Variants in PTPRM observed in about 807,000 individuals in gnomAD.
PTPRM encodes receptor-type tyrosine-protein phosphatase mu.
PTPRM carries 47 observed loss-of-function variants against 186.7 expected under a neutral mutation model. The ratio of observed to expected loss-of-function variants is 0.25; its 90% confidence interval spans 0.20 to 0.32. The LOEUF (loss-of-function observed/expected upper bound fraction) is 0.32, where lower values mean the gene tolerates loss of function less well. Ranked by LOEUF, PTPRM falls within the 10% of genes least tolerant of loss-of-function variation. PTPRM has a pLI of 1.00. For synonymous variants in PTPRM, 668 were observed against 674.9 expected (o/e 0.99, Z 0.16); for missense variants, 1,494 against 1,865.0 (o/e 0.80, Z 3.66).
chr18:7,877,077 AATATAG>A (rs1344709915), intron 2 of PTPRM, among the ~76,000 whole-genome samples: 1 of 152,202 alleles, frequency 6.6e-6, no homozygotes, highest in African/African-American at 2.4e-5. Flanking sequence ...ATTAATTGTT[AATATAG>A]ATATATATTT....
intron 1 of PTPRM, among the ~76,000 whole-genome samples, chr18:7,738,749 C>T (rs1262997088): frequency 6.6e-6 from 1 of 152,082 alleles, no homozygotes; most frequent in Non-Finnish European, 1.5e-5. Flanking sequence ...CCAGTTCGTT[C>T]AACTTTTGAA....
intron 23 of PTPRM, among the ~76,000 whole-genome samples, chr18:8,345,393 T>A (rs1160068898): frequency 1.3e-5 from 2 of 152,242 alleles, no homozygotes; most frequent in Non-Finnish European, 2.9e-5. Context: ...AAAAACCACA[T>A]ATAGCCAATA....
Position 8,360,819 on chromosome 18 carries a change from T to G in PTPRM, c.3055-10071T>G, listed in dbSNP as rs2095593037. 3 of 152,230 alleles carry G rather than the reference T, an allele frequency of 2.0e-5. No homozygotes were observed. The South Asian group carries it at 6.2e-4, about 32-fold the overall frequency. The allele number at this position is 152,230 out of a possible 1,614,324, so 9.4% of individuals were successfully genotyped here. A position where few individuals can be genotyped will look rare whatever the true frequency, so the allele number is the denominator to read the frequency against. ...AAATAGAAGCAGAACTCTTATCACT[T>G]AAAATTGTAAGTAAACAGATGTCTT... On this transcript the variant is annotated intron_variant, in intron 23 of 32. Coordinates refer to ENST00000580170, the MANE Select transcript of PTPRM (RefSeq NM_001105244.2).
chr18:8,023,909 G>A (rs2147991119), intron 7 of PTPRM, among the ~76,000 whole-genome samples: 1 of 150,820 alleles, frequency 6.6e-6, no homozygotes, highest in African/African-American at 2.4e-5. Flanking sequence ...TTCTGGCTTT[G>A]GATTTATTCT....
chr18:7,912,869 CA>C (rs2050351015), intron 4 of PTPRM, among the ~76,000 whole-genome samples: 1 of 151,968 alleles, frequency 6.6e-6, no homozygotes, highest in African/African-American at 2.4e-5. Flanking sequence ...CAATTTCAGC[CA>C]AAAAAATTCA....
At chr18:8,015,144 A>G (rs1191020929) in intron 7 of PTPRM, among the ~76,000 whole-genome samples, 1 of 152,134 alleles carries the variant, frequency 6.6e-6, no homozygotes, top group East Asian at 1.9e-4. Context: ...GACTACAAAT[A>G]TCAGGGAACA....
intron 19 of PTPRM, among the ~76,000 whole-genome samples, chr18:8,291,131 A>C (rs2095038461): frequency 6.6e-6 from 1 of 152,180 alleles, no homozygotes; most frequent in Non-Finnish European, 1.5e-5. Context: ...TCCCTCAGCC[A>C]TCCCTCCTGC....
intron 13 of PTPRM, among the ~76,000 whole-genome samples, chr18:8,131,118 T>C (rs932501885): frequency 3.3e-5 from 5 of 152,206 alleles, no homozygotes; most frequent in African/African-American, 1.2e-4. Context: ...CAGTCCCAAG[T>C]TGACACTGCA....
chr18:8,114,952 T>C, intron 13 of PTPRM, 125 bp downstream of exon 13: 1 of 687,378 alleles, frequency 1.5e-6, no homozygotes, highest in East Asian at 2.8e-5. Context: ...TATATACATA[T>C]ATATATATGC....
intron 14 of PTPRM, among the ~76,000 whole-genome samples, chr18:8,199,492 C>CT (rs2093824251): frequency 6.6e-6 from 1 of 152,118 alleles, no homozygotes; most frequent in Non-Finnish European, 1.5e-5. Context: ...TAGGAGACAC[C>CT]TAAGCAAAGT....
chr18:8,288,737 G>A (rs754276505), intron 19 of PTPRM, among the ~76,000 whole-genome samples: 21 of 152,180 alleles, frequency 1.4e-4, no homozygotes, highest in Admixed American at 4.6e-4. Flanking sequence ...CAGTGCTCTT[G>A]AGGGCTGTGT....
chr18:7,897,801 C>A (rs1198214066), intron 3 of PTPRM, among the ~76,000 whole-genome samples: 2 of 151,998 alleles, frequency 1.3e-5, no homozygotes, highest in African/African-American at 4.8e-5. Context: ...TTGTCCTCTA[C>A]CTTAATTTCT....
intron 19 of PTPRM, among the ~76,000 whole-genome samples, chr18:8,290,805 G>T (rs1300771181): frequency 6.6e-5 from 10 of 152,110 alleles, no homozygotes; most frequent in Admixed American, 4.6e-4. Flanking sequence ...ATTTTAAGTA[G>T]AATAAAAGCA....
rs532543698 is a variant in PTPRM at position 8,213,205 on chromosome 18, T to A, written c.2301-30853T>A. 1.2e-4 allele frequency among the ~76,000 whole-genome samples: 18 copies of A among 152,322 alleles called. No individual in the cohort carries two copies. The South Asian group carries it at 3.5e-3, about 30-fold the overall frequency. On this transcript the variant is annotated intron_variant, in intron 14 of 32. Coordinates refer to ENST00000580170, the MANE Select transcript of PTPRM (RefSeq NM_001105244.2). ...CAAAAATAACAGAGGCCACTTACGC[T>A]AAGTATATTCTGTGAGGATCATTCT...
intron 2 of PTPRM, among the ~76,000 whole-genome samples, chr18:7,795,403 G>A (rs2043572918): frequency 6.6e-6 from 1 of 151,836 alleles, no homozygotes; most frequent in African/African-American, 2.4e-5. Context: ...GTGTAACTCA[G>A]GGTTCTTCTC....
Position 8,142,537 on chromosome 18 carries a change from G to GTCTGCCCTGCCCAA in PTPRM, c.2168-1110_2168-1109insTCTGCCCTGCCCAA, listed in dbSNP as rs113048440. 1.3e-3 allele frequency among the ~76,000 whole-genome samples: 193 copies of GTCTGCCCTGCCCAA among 152,210 alleles called. 1 individual carries two copies. Among genetic ancestry groups the GTCTGCCCTGCCCAA allele is most frequent in the African/African-American group, 4.5e-3 (187 of 41,520 alleles). On this transcript the variant is annotated intron_variant, in intron 13 of 32. Coordinates refer to ENST00000580170, the MANE Select transcript of PTPRM (RefSeq NM_001105244.2). ...TTTAGAGTTTGTCCTCCTGGTCTTG[G>GTCTGCCCTGCCCAA]GGGCTCAGACACAGTGACAACTAAG...
intron 2 of PTPRM, among the ~76,000 whole-genome samples, chr18:7,872,650 T>A (rs940180687): frequency 6.6e-6 from 1 of 152,196 alleles, no homozygotes; most frequent in Admixed American, 6.5e-5. Flanking sequence ...CAGGAGTGAA[T>A]GTTGGAAGTG....
At chr18:7,659,080 A>G (rs919172688) in intron 1 of PTPRM, among the ~76,000 whole-genome samples, 4 of 151,748 alleles carry the variant, frequency 2.6e-5, no homozygotes, top group Admixed American at 2.0e-4. Flanking sequence ...TTTGATGACC[A>G]TATTTAAAAT....
At chr18:7,824,269 G>A (rs1044142443) in intron 2 of PTPRM, among the ~76,000 whole-genome samples, 1 of 152,202 alleles carries the variant, frequency 6.6e-6, no homozygotes, top group African/African-American at 2.4e-5. Context: ...TTCAGAGAAA[G>A]CCTCTAGAGG....
Sources: allele counts gnomAD v4.1 joint callset (sites outside exome capture counted in the v4.1 genomes callset), GRCh38; gene constraint gnomAD v4.1.1; transcripts MANE v1.5; gene names NCBI Gene and HGNC (gene_info 2026-07-23, HGNC 2026-07-21).